The following UMAD1 variants were observed in gnomAD, a reference collection of about 807,000 sequenced individuals.
UMAD1 encodes the protein UBAP1-MVB12-associated (UMA)-domain containing protein 1.
In UMAD1, 8 loss-of-function variants were observed where a neutral mutation model predicts 6.1. That is an observed-to-expected ratio of 1.30 (90% confidence interval 0.76 to 2.35). The LOEUF (loss-of-function observed/expected upper bound fraction) is 2.35, where lower values mean the gene tolerates loss of function less well. Ranked by LOEUF, UMAD1 falls within the 30% of genes most tolerant of loss-of-function variation. UMAD1 has a pLI of 0.00. For missense variants in UMAD1, 130 were observed against 78.4 expected (o/e 1.66, Z -2.49); for synonymous variants, 56 against 31.4 (o/e 1.78, Z -2.61).
chr7:7,723,317 A>G (rs900109875), intron 2 of UMAD1, among the ~76,000 whole-genome samples: 1 of 152,202 alleles, frequency 6.6e-6, no homozygotes, highest in African/African-American at 2.4e-5. Flanking sequence ...AGCTGAATTT[A>G]TTGATTTGGG....
intron 2 of UMAD1, among the ~76,000 whole-genome samples, chr7:7,746,258 T>C (rs1159399483): frequency 1.3e-5 from 2 of 152,104 alleles, no homozygotes; most frequent in Non-Finnish European, 2.9e-5. Context: ...GCAACATCAG[T>C]TGGGAAAATG....
At position 7,822,735 on chromosome 7, in the gene UMAD1, A is replaced by G. The variant is rs116472496; in HGVS notation, c.156+20992A>G. Among the ~76,000 whole-genome samples, 111 of 152,186 alleles carry G rather than the reference A, an allele frequency of 7.3e-4. 1 individual carries two copies. Among genetic ancestry groups the G allele is most frequent in the African/African-American group, 2.6e-3 (108 of 41,558 alleles). On this transcript the variant is annotated intron_variant, in intron 3 of 3. Coordinates refer to ENST00000682710, the MANE Select transcript of UMAD1 (RefSeq NM_001302348.2). ...CTAGATTTGAACAGTTCGGCTTCCT[A>G]CCTTGCTTGGATTCCAGAGATGCCC... is the stretch of plus-strand genomic sequence containing the variant.
intron 3 of UMAD1, among the ~76,000 whole-genome samples, chr7:7,842,911 T>C (rs888111412): frequency 3.9e-5 from 6 of 152,172 alleles, no homozygotes; most frequent in African/African-American, 1.2e-4. Context: ...TCTCAGTCTA[T>C]AGGGGACAAA....
At chr7:7,857,067 G>T (rs7777450) in intron 3 of UMAD1, among the ~76,000 whole-genome samples, 1 of 152,010 alleles carries the variant, frequency 6.6e-6, no homozygotes, top group East Asian at 1.9e-4. Context: ...CACATTATTC[G>T]GTTTTTGTTT....
chr7:7,743,120 A>G (rs550386958), intron 2 of UMAD1, among the ~76,000 whole-genome samples: 1 of 152,210 alleles, frequency 6.6e-6, no homozygotes, highest in South Asian at 2.1e-4. Context: ...CTGTGTAAGT[A>G]TGTATCTAAA....
At chr7:7,665,698 C>T (rs568736283) in intron 1 of UMAD1, among the ~76,000 whole-genome samples, 2 of 152,204 alleles carry the variant, frequency 1.3e-5, no homozygotes, top group East Asian at 1.9e-4. Context: ...CCTCTGTGTT[C>T]CTCCCCTCCC....
intron 3 of UMAD1, among the ~76,000 whole-genome samples, chr7:7,864,352 A>G (rs921366989): frequency 1.6e-4 from 24 of 152,284 alleles, no homozygotes; most frequent in Non-Finnish European, 2.9e-4. Context: ...AAGACAAGTA[A>G]GAACATTACT....
At chr7:7,811,241 G>A (rs1016313812) in intron 3 of UMAD1, among the ~76,000 whole-genome samples, 4 of 152,062 alleles carry the variant, frequency 2.6e-5, no homozygotes. Context: ...GACTTGCCAG[G>A]ATTTTTGTTC....
intron 2 of UMAD1, among the ~76,000 whole-genome samples, chr7:7,800,982 A>G (rs10244530): frequency 0.16 from 23,808 of 152,218 alleles, 2,365 homozygotes; most frequent in African/African-American, 0.28. Context: ...TTAATCACAA[A>G]CCATTAGTGA....
intron 2 of UMAD1, among the ~76,000 whole-genome samples, chr7:7,749,084 C>T (rs1488000112): frequency 6.6e-6 from 1 of 152,038 alleles, no homozygotes; most frequent in Non-Finnish European, 1.5e-5. Context: ...TTTAAACTTT[C>T]TAGCATGAGC....
At chr7:7,818,310 G>T (rs1209217953) in intron 3 of UMAD1, among the ~76,000 whole-genome samples, 1 of 152,024 alleles carries the variant, frequency 6.6e-6, no homozygotes, top group African/African-American at 2.4e-5. Context: ...AAAGGATATG[G>T]TCTTGTTCTT....
intron 3 of UMAD1, among the ~76,000 whole-genome samples, chr7:7,856,862 C>T (rs1431492290): frequency 1.3e-5 from 2 of 152,166 alleles, no homozygotes; most frequent in Non-Finnish European, 2.9e-5. Flanking sequence ...AAAAGGAAAA[C>T]TGAAGGAATA....
intron 3 of UMAD1, among the ~76,000 whole-genome samples, chr7:7,820,563 TG>T (rs1783222825): frequency 6.6e-6 from 1 of 152,234 alleles, no homozygotes; most frequent in Admixed American, 6.5e-5. Flanking sequence ...ACTTATGTTT[TG>T]CTAATGATCA....
At chr7:7,836,063 A>G (rs1783562464) in intron 3 of UMAD1, among the ~76,000 whole-genome samples, 1 of 152,036 alleles carries the variant, frequency 6.6e-6, no homozygotes, top group Admixed American at 6.6e-5. Flanking sequence ...TTATTAATAT[A>G]GTCTTAAAGA....
intron 2 of UMAD1, among the ~76,000 whole-genome samples, chr7:7,749,821 C>T (rs928105143): frequency 9.9e-5 from 15 of 151,992 alleles, no homozygotes; most frequent in South Asian, 4.1e-4. Context: ...GTATTATTTT[C>T]CAGGATAGTT....
intron 2 of UMAD1, among the ~76,000 whole-genome samples, chr7:7,796,505 C>T (rs746575315): frequency 4.1e-4 from 62 of 152,090 alleles, no homozygotes; most frequent in Non-Finnish European, 1.9e-4. Context: ...CCTGCCTCGG[C>T]CTCCCAAAGT....
At chr7:7,725,161 G>T (rs1323074946) in intron 2 of UMAD1, among the ~76,000 whole-genome samples, 1 of 152,172 alleles carries the variant, frequency 6.6e-6, no homozygotes, top group Non-Finnish European at 1.5e-5. Flanking sequence ...GCTGCATTTG[G>T]CTCCTCCTAC....
intron 3 of UMAD1, among the ~76,000 whole-genome samples, chr7:7,861,321 C>A (rs1257231256): frequency 6.6e-6 from 1 of 152,196 alleles, no homozygotes; most frequent in African/African-American, 2.4e-5. Flanking sequence ...TCTGAGTGTG[C>A]ACCAAGAAGG....
intron 2 of UMAD1, among the ~76,000 whole-genome samples, chr7:7,700,567 T>G (rs11765275): frequency 0.077 from 11,749 of 151,722 alleles, 497 homozygotes; most frequent in Middle Eastern, 0.12. Context: ...CTCTACAAAA[T>G]AAAAACAACA....
Sources: allele counts gnomAD v4.1 joint callset (sites outside exome capture counted in the v4.1 genomes callset), GRCh38; gene constraint gnomAD v4.1.1; transcripts MANE v1.5; gene names NCBI Gene and HGNC (gene_info 2026-07-23, HGNC 2026-07-21).